The following MSRB3 variants were observed in gnomAD, a reference collection of about 807,000 sequenced individuals.
The protein encoded by MSRB3 is methionine sulfoxide reductase B3.
Under a neutral mutation model 21.0 loss-of-function variants are expected in MSRB3, and 13 were observed. That is an observed-to-expected ratio of 0.62 (90% CI 0.40 to 0.98). The LOEUF (loss-of-function observed/expected upper bound fraction) is 0.98, where lower values mean the gene tolerates loss of function less well. Ranked by LOEUF, MSRB3 falls within the 50% of genes least tolerant of loss-of-function variation. The pLI, the probability that MSRB3 is intolerant of heterozygous loss-of-function variation, is 0.00. For missense variants in MSRB3, 199 were observed against 230.3 expected (o/e 0.86, Z 0.88); for synonymous variants, 87 against 88.6 (o/e 0.98, Z 0.10).
rs372547570 is a variant in MSRB3 at position 65,405,215 on chromosome 12, G to C, written c.292+36189G>C. On this transcript the variant is annotated intron_variant, in intron 5 of 6. Coordinates refer to ENST00000308259, the MANE Select transcript of MSRB3 (RefSeq NM_001031679.3). ...GATCTGCCTGCCTCAGCCTCCCAAA[G>C]TACAGGGATTACAGGCATGAGCCAC... 6.6e-5 allele frequency among the ~76,000 whole-genome samples: 10 copies of C among 152,068 alleles called. No individual in the cohort carries two copies. The South Asian group carries it at 1.9e-3, about 28-fold the overall frequency.
intron 5 of MSRB3, among the ~76,000 whole-genome samples, chr12:65,433,860 T>C (rs1881997380): frequency 6.6e-6 from 1 of 151,942 alleles, no homozygotes; most frequent in Non-Finnish European, 1.5e-5. Flanking sequence ...ATTCCACTTG[T>C]ATATCTCTGG....
chr12:65,452,817 A>G (rs1405917190), intron 5 of MSRB3, among the ~76,000 whole-genome samples: 1 of 152,108 alleles, frequency 6.6e-6, no homozygotes, highest in Non-Finnish European at 1.5e-5. Flanking sequence ...AGTAAATGTG[A>G]CTTGTGAAAA....
At chr12:65,415,804 C>T (rs1880939921) in intron 5 of MSRB3, among the ~76,000 whole-genome samples, 1 of 152,152 alleles carries the variant, frequency 6.6e-6, no homozygotes, top group Non-Finnish European at 1.5e-5. Context: ...GGTTTACCAG[C>T]CCCATCCTAG....
rs140487058 is a variant in MSRB3, at chr12:65,326,866, C to A, written c.117C>A (p.Ser39=). The stretch of plus-strand genomic sequence containing the variant: ...AAAAGAACTGTAAGGTGGTCTTTTC[C>A]CAGCAGGAACTGAGGAAGCGGCTAA... ...RDKKNCKVVF[S]QQELRKRLTP... The change falls in exon 3 of 7, where the codon TCC becomes TCA. Residue 39 remains serine, a synonymous_variant. Transcript: ENST00000308259. 1 of 1,611,272 alleles carries A rather than the reference C, an allele frequency of 6.2e-7. No individual in the cohort carries two copies. The highest frequency in any genetic ancestry group is 2.2e-5 in the East Asian group (1 of 44,716).
At chr12:65,296,718 T>C (rs1207028322) in intron 1 of MSRB3, among the ~76,000 whole-genome samples, 1 of 152,178 alleles carries the variant, frequency 6.6e-6, no homozygotes, top group Non-Finnish European at 1.5e-5. Flanking sequence ...TGTTCAGTGA[T>C]ACTAAAACAT....
intron 4 of MSRB3, among the ~76,000 whole-genome samples, chr12:65,351,615 A>T (rs1876999298): frequency 6.7e-6 from 1 of 149,192 alleles, no homozygotes; most frequent in African/African-American, 2.6e-5. Flanking sequence ...ACACAATAAA[A>T]AATGATAAAG....
intron 5 of MSRB3, among the ~76,000 whole-genome samples, chr12:65,409,502 C>T (rs1314924989): frequency 1.3e-5 from 2 of 152,024 alleles, no homozygotes; most frequent in African/African-American, 2.4e-5. Context: ...CAAAATATGG[C>T]ATTATAATCT....
chr12:65,347,402 A>G (rs979282594), intron 4 of MSRB3, among the ~76,000 whole-genome samples: 3 of 152,266 alleles, frequency 2.0e-5, no homozygotes, highest in Non-Finnish European at 2.9e-5. Context: ...TTATTGGTGT[A>G]TTAGAATGCT....
intron 5 of MSRB3, among the ~76,000 whole-genome samples, chr12:65,414,221 G>C (rs1437458427): frequency 6.6e-6 from 1 of 152,142 alleles, no homozygotes; most frequent in Admixed American, 6.5e-5. Context: ...ATAGGCTATA[G>C]AGAGCTACAT....
intron 6 of MSRB3, among the ~76,000 whole-genome samples, chr12:65,455,342 A>G (rs1883040219): frequency 6.6e-6 from 1 of 151,666 alleles, no homozygotes; most frequent in Non-Finnish European, 1.5e-5. Context: ...TCTGAATCAC[A>G]TTTTCAGCTC....
rs181069740 is a variant in MSRB3, at chr12:65,298,063, G to C, written c.-51-10466G>C. On this transcript the variant is annotated intron_variant, in intron 1 of 6. Transcript: ENST00000308259. ...TTGTCACCCAGGCTGAAGTGCAGTG[G>C]CCTGATCTTGGCTCACTGCAGCCTT... Among the ~76,000 whole-genome samples, 884 of 152,112 alleles carry C rather than the reference G, an allele frequency of 5.8e-3. 7 individuals are homozygous for C. Among genetic ancestry groups the C allele is most frequent in the South Asian group, 0.011 (51 of 4,812 alleles).
chr12:65,409,260 CGTT>C (rs1565878785), intron 5 of MSRB3, among the ~76,000 whole-genome samples: 1 of 151,916 alleles, frequency 6.6e-6, no homozygotes, highest in Non-Finnish European at 1.5e-5. Flanking sequence ...CTGAGAAACA[CGTT>C]GTTAGGCAAT....
intron 5 of MSRB3, among the ~76,000 whole-genome samples, chr12:65,412,032 C>T (rs1023109271): frequency 2.6e-5 from 4 of 152,026 alleles, no homozygotes; most frequent in Admixed American, 6.6e-5. Flanking sequence ...ATTGAAGAAT[C>T]CAGGGCTGTG....
At chr12:65,288,294 C>A (rs1872501402) in intron 1 of MSRB3, among the ~76,000 whole-genome samples, 2 of 149,774 alleles carry the variant, frequency 1.3e-5, no homozygotes, top group African/African-American at 5.0e-5. Context: ...AGAGCGAGAC[C>A]CCGTCCCCCC....
At position 65,279,119 on chromosome 12, in the gene MSRB3, C is replaced by A; in HGVS notation, c.-52+254C>A. ...CCGCCGAAGGGAGGCGTCTGGCAGC[C>A]TCACTGACACCTTATCCTGTCCCGG... On this transcript the variant is annotated intron_variant, in intron 1 of 6. Transcript: ENST00000308259. 3 of 1,356,920 alleles carry A rather than the reference C, an allele frequency of 2.2e-6. No homozygotes were observed. The South Asian group carries it at 4.8e-5, about 22-fold the overall frequency. 84.1% of individuals were successfully genotyped at this position (1,356,920 alleles called of 1,614,324 possible). A position where few individuals can be genotyped will look rare whatever the true frequency, so the allele number is the denominator to read the frequency against.
intron 1 of MSRB3, among the ~76,000 whole-genome samples, chr12:65,294,980 A>G (rs1203952651): frequency 2.0e-5 from 3 of 152,178 alleles, no homozygotes; most frequent in African/African-American, 4.8e-5. Context: ...AGGCATGCCT[A>G]CCACATCTGG....
At chr12:65,293,524 C>T (rs992929921) in intron 1 of MSRB3, among the ~76,000 whole-genome samples, 3 of 152,180 alleles carry the variant, frequency 2.0e-5, no homozygotes, top group Non-Finnish European at 4.4e-5. Context: ...TCATCTTTTC[C>T]CGTGTCTGGA....
At chr12:65,345,998 G>T (rs533488780) in intron 4 of MSRB3, among the ~76,000 whole-genome samples, 8 of 152,062 alleles carry the variant, frequency 5.3e-5, no homozygotes, top group Admixed American at 3.3e-4. Context: ...TGGACATTTG[G>T]GTTGGTTCCA....
At chr12:65,408,336 ACC>A (rs936336276) in intron 5 of MSRB3, among the ~76,000 whole-genome samples, 10 of 151,916 alleles carry the variant, frequency 6.6e-5, no homozygotes, top group Admixed American at 5.9e-4. Flanking sequence ...CTCGTGATCC[ACC>A]CACCTCAGCC....
Sources: allele counts gnomAD v4.1 joint callset (sites outside exome capture counted in the v4.1 genomes callset), GRCh38; gene constraint gnomAD v4.1.1; transcripts MANE v1.5; gene names NCBI Gene and HGNC (gene_info 2026-07-23, HGNC 2026-07-21).